Variants in LMNA observed in about 807,000 individuals in gnomAD.
LMNA encodes lamin A/C.
A neutral mutation model predicts 70.4 loss-of-function variants in LMNA; 20 were observed. The observed-to-expected ratio is 0.28, with a 90% CI of 0.20 to 0.41. LMNA has a LOEUF of 0.41. Among genes scored for constraint, LMNA ranks in the 10% least tolerant of loss-of-function variants. LMNA has a pLI of 1.00. For missense variants in LMNA, 652 were observed against 917.2 expected (o/e 0.71, Z 3.73); for synonymous variants, 339 against 372.8 (o/e 0.91, Z 1.04).
At chr1:156,123,955 A>T (rs561488329) in intron 1 of LMNA, among the ~76,000 whole-genome samples, 2 of 151,860 alleles carry the variant, frequency 1.3e-5, no homozygotes, top group Admixed American at 6.5e-5. Flanking sequence ...AGTTCTCCCC[A>T]CTTCAGCCCC....
intron 1 of LMNA, among the ~76,000 whole-genome samples, chr1:156,127,842 T>A (rs573739): frequency 0.1 from 15,699 of 151,914 alleles, 1,461 homozygotes; most frequent in African/African-American, 0.25. Context: ...GTGCACCACC[T>A]TGCCCGACTA....
At chr1:156,083,137 G>T (rs1305138263) in exon 2 of LMNA, 1 of 152,152 alleles carries the variant, frequency 6.6e-6, no homozygotes, top group African/African-American at 2.4e-5. Context: ...CCCCTCGCCC[G>T]CCCCCCGCCC....
In LMNA at chr1:156,136,076, T is replaced by C; in HGVS notation, c.1112T>C (p.Met371Thr). The change falls in exon 6 of 12, where the codon ATG becomes ACG. Residue 371 changes from methionine to threonine, a missense_variant. Met to Thr is a moderately conservative substitution (Grantham distance 81, BLOSUM62 -1). Around this residue, in one of 4 missense-constraint regions of LMNA, gnomAD observed 33 missense variants for 75.3 expected, o/e 0.44. Transcript: ENST00000368300. The surrounding 1 kb of genome is among the most constrained non-coding windows in gnomAD (Gnocchi z 6.1). ...CTGGACATCAAGCTGGCCCTGGACA[T>C]GGAGATCCACGCCTACCGCAAGCTC... ...ELLDIKLALDMEIHAYRKLLE... is the reference protein window; with the variant it reads ...ELLDIKLALDTEIHAYRKLLE... The C allele has an allele frequency of 6.2e-7, 1 of 1,613,870 alleles. No individual in the cohort carries two copies. Among genetic ancestry groups the C allele is most frequent in the Non-Finnish European group, 8.5e-7 (1 of 1,179,958 alleles).
intron 3 of LMNA, among the ~76,000 whole-genome samples, chr1:156,108,670 G>A (rs1649434488): frequency 6.6e-6 from 1 of 152,042 alleles, no homozygotes; most frequent in African/African-American, 2.4e-5. Flanking sequence ...GGAGGCTGAG[G>A]CAGGAGAATC....
rs575264563 is a variant in LMNA at position 156,126,844 on chromosome 1, G to A, written c.357-3773G>A. 5.6e-6 allele frequency: 9 copies of A among 1,612,118 alleles called. No homozygotes were observed. The African/African-American group carries it at 8.0e-5, about 14-fold the overall frequency. On this transcript the variant is annotated intron_variant, in intron 1 of 11. Coordinates refer to ENST00000368300, the MANE Select transcript of LMNA (RefSeq NM_170707.4). ...GCTTGGGGAACCTGGAGGATGCAAG[G>A]GAAAGGACTGGCACTCTGCTGGCAC...
intron 2 of LMNA, among the ~76,000 whole-genome samples, chr1:156,130,993 C>T (rs750316399): frequency 6.6e-6 from 1 of 152,122 alleles, no homozygotes; most frequent in East Asian, 1.9e-4. Flanking sequence ...TCCAGGAGGC[C>T]GGGCATGGTG....
In LMNA at chr1:156,139,358, T is replaced by C; in HGVS notation, c.*252T>C. On this transcript the variant is annotated 3_prime_UTR_variant, in exon 12 of 12. Transcript: ENST00000368300. Reference sequence around the variant, plus strand: ...ATCTCAATCCTAATTTCTCCTCCCTTCCTTTTCCCTGCTTCCAGGAAACTC... The same window carrying C: ...ATCTCAATCCTAATTTCTCCTCCCTCCCTTTTCCCTGCTTCCAGGAAACTC... The C allele has an allele frequency of 7.2e-7, 1 of 1,394,662 alleles. No homozygotes were observed. The highest frequency in any genetic ancestry group is 9.3e-7 in the Non-Finnish European group (1 of 1,079,344). 86.4% of individuals were successfully genotyped at this position (1,394,662 alleles called of 1,614,324 possible).
chr1:156,119,983 G>A (rs565628643), intron 1 of LMNA, among the ~76,000 whole-genome samples: 45 of 152,326 alleles, frequency 3.0e-4, no homozygotes, highest in African/African-American at 1.1e-3. Context: ...GGATTGGGCT[G>A]CAGGATAGTG....
At chr1:156,097,160 G>A (rs931266372) in intron 3 of LMNA, among the ~76,000 whole-genome samples, 3 of 152,166 alleles carry the variant, frequency 2.0e-5, no homozygotes, top group African/African-American at 7.2e-5. Flanking sequence ...GAGAAGCTGC[G>A]GTGAAATCAA....
intron 1 of LMNA, chr1:156,126,311 T>C (rs1368701470): frequency 3.1e-5 from 32 of 1,034,946 alleles, no homozygotes; most frequent in Non-Finnish European, 4.4e-5. Context: ...CCCCTCCCAC[T>C]TGTTATTTTT....
chr1:156,130,790 G>C lies in LMNA; in HGVS notation c.513+17G>C. On this transcript the variant is annotated intron_variant, in intron 2 of 11. Transcript: ENST00000368300. ...GTGGCCAAGGTGAGGCCACCCTGCA[G>C]GGCCCACCCATGGCCCCACCTAACA... The C allele has an allele frequency of 6.4e-7, 1 of 1,563,134 alleles. No individual in the cohort carries two copies. Among genetic ancestry groups the C allele is most frequent in the Non-Finnish European group, 8.7e-7 (1 of 1,153,896 alleles).
chr1:156,112,931 G>A (rs1288666326), upstream of LMNA, among the ~76,000 whole-genome samples: 1 of 152,162 alleles, frequency 6.6e-6, no homozygotes, highest in Non-Finnish European at 1.5e-5. Context: ...CGGAGGATAA[G>A]CTGTGGGAGG....
Position 156,139,319 on chromosome 1 carries a change from C to T in LMNA, c.*213C>T, listed in dbSNP as rs1651922734. 2 of 1,384,624 alleles carry T rather than the reference C, an allele frequency of 1.4e-6. No individual in the cohort carries two copies. The highest frequency in any genetic ancestry group is 6.0e-5 in the Admixed American group (2 of 33,464). 85.8% of individuals were successfully genotyped at this position (1,384,624 alleles called of 1,614,324 possible). On this transcript the variant is annotated 3_prime_UTR_variant, in exon 12 of 12. Transcript: ENST00000368300. ...AAACACAAGCAAAAAAAAAAAAAAG[C>T]ATCTATCTCATCTATCTCAATCCTA...
At position 156,137,638 on chromosome 1, in the gene LMNA, T is replaced by C; in HGVS notation, c.1609-16T>C. On this transcript the variant is annotated splice_polypyrimidine_tract_variant and intron_variant, in intron 9 of 11. Coordinates refer to ENST00000368300, the MANE Select transcript of LMNA (RefSeq NM_170707.4). The surrounding 1 kb of genome is among the most constrained non-coding windows in gnomAD (Gnocchi z 4.6). ...CCTGGCCCTGACCCTTGGACCTGGT[T>C]CCATGTCCCCACCAGGAAGTGGCCA... is the stretch of plus-strand genomic sequence containing the variant. The C allele has an allele frequency of 6.5e-7, 1 of 1,549,586 alleles. No homozygotes were observed. Among genetic ancestry groups the C allele is most frequent in the Non-Finnish European group, 8.7e-7 (1 of 1,145,044 alleles).
chr1:156,129,505 C>T (rs79805010), intron 1 of LMNA, among the ~76,000 whole-genome samples: 7 of 152,130 alleles, frequency 4.6e-5, no homozygotes, highest in African/African-American at 9.7e-5. Context: ...CTTCTGCCCA[C>T]GCTTGGTTTT....
intron 3 of LMNA, among the ~76,000 whole-genome samples, chr1:156,097,638 C>T (rs1325836634): frequency 1.3e-5 from 2 of 152,210 alleles, no homozygotes; most frequent in Non-Finnish European, 2.9e-5. Flanking sequence ...CTTGGGAAGG[C>T]CCAGAAAGCA....
chr1:156,114,754 C>A lies in LMNA; in HGVS notation c.-165C>A, dbSNP rs529934671. On this transcript the variant is annotated 5_prime_UTR_variant, in exon 1 of 12. Coordinates refer to ENST00000368300, the MANE Select transcript of LMNA (RefSeq NM_170707.4). Reference sequence around the variant, plus strand: ...GCACCTACACCAGCCAACCCAGATCCCGAGGTCCGACAGCGCCCGGCCCAG... The same window carrying A: ...GCACCTACACCAGCCAACCCAGATCACGAGGTCCGACAGCGCCCGGCCCAG... 2.1e-4 allele frequency: 124 copies of A among 593,662 alleles called. 1 individual carries two copies. The South Asian group carries it at 2.5e-3, about 12-fold the overall frequency. 36.8% of individuals were successfully genotyped at this position (593,662 alleles called of 1,614,324 possible). A position where few individuals can be genotyped will look rare whatever the true frequency, so the allele number is the denominator to read the frequency against.
chr1:156,136,662 G>C lies in LMNA; in HGVS notation c.1380+226G>C. 1.5e-6 allele frequency: 1 copy of C among 666,376 alleles called. No individual in the cohort carries two copies. Among genetic ancestry groups the C allele is most frequent in the Non-Finnish European group, 2.7e-6 (1 of 374,100 alleles). The allele number at this position is 666,376 out of a possible 1,614,324, so 41.3% of individuals were successfully genotyped here. A position where few individuals can be genotyped will look rare whatever the true frequency, so the allele number is the denominator to read the frequency against. On this transcript the variant is annotated intron_variant, in intron 7 of 11. Coordinates refer to ENST00000368300, the MANE Select transcript of LMNA (RefSeq NM_170707.4). This position sits in a 1 kb window ranked among gnomAD's most constrained non-coding sequence, Gnocchi z 6.1. ...TCTCAGAGCATCAGTTTCCTCATCTGTAAAATGGGGATGAATACTGATCCC... is the reference window on the plus strand; with the variant it reads ...TCTCAGAGCATCAGTTTCCTCATCTCTAAAATGGGGATGAATACTGATCCC...
At position 156,138,433 on chromosome 1, in the gene LMNA, C is replaced by T; in HGVS notation, c.1699-55C>T. 1 of 1,585,094 alleles carries T rather than the reference C, an allele frequency of 6.3e-7. No individual in the cohort carries two copies. The highest frequency in any genetic ancestry group is 8.6e-7 in the Non-Finnish European group (1 of 1,166,348). ...GCAGGAGCCTGGAGCCTGGTTGGGCCTGAGTGGTCAGTCCCAGACTCGCCG... is the reference window on the plus strand; with the variant it reads ...GCAGGAGCCTGGAGCCTGGTTGGGCTTGAGTGGTCAGTCCCAGACTCGCCG... On this transcript the variant is annotated intron_variant, in intron 10 of 11. Transcript: ENST00000368300. This position sits in a 1 kb window ranked among gnomAD's most constrained non-coding sequence, Gnocchi z 5.5.
Sources: gnomAD v4.1 joint callset for allele counts (sites outside exome capture counted in the v4.1 genomes callset) on GRCh38, gnomAD v4.1.1 for gene constraint, gnomAD v4.1.1 regional missense constraint, Gnocchi (gnomAD v3.1) non-coding constraint, MANE v1.5 for transcripts, NCBI Gene and HGNC (gene_info 2026-07-23, HGNC 2026-07-21) for gene names.